Variants in RASGRP3 observed in about 807,000 individuals in gnomAD.
The protein encoded by RASGRP3 is RAS guanyl releasing protein 3, also known as ras guanyl-releasing protein 3.
Under a neutral mutation model 82.7 loss-of-function variants are expected in RASGRP3, and 54 were observed. The ratio of observed to expected loss-of-function variants is 0.65; its 90% CI spans 0.52 to 0.82. The LOEUF (loss-of-function observed/expected upper bound fraction) is 0.82. RASGRP3 is among the 40% of genes least tolerant of loss of function. RASGRP3 has a pLI of 0.00. For missense variants in RASGRP3, 861 were observed against 828.9 expected, an observed-to-expected ratio of 1.04 and a Z score of -0.48; for synonymous variants, 309 against 300.5, an observed-to-expected ratio of 1.03 and a Z score of -0.29.
intron 1 of RASGRP3, among the ~76,000 whole-genome samples, chr2:33,499,761 T>C (rs1239855435): frequency 8.8e-5 from 10 of 113,680 alleles, no homozygotes; most frequent in Admixed American, 6.7e-4. Flanking sequence ...AAATATCAAA[T>C]CCAAAAAAAA....
chr2:33,527,476 C>T (rs762952689), intron 10 of RASGRP3, 64 bp downstream of exon 10: 3 of 1,477,790 alleles, frequency 2.0e-6, no homozygotes, highest in Non-Finnish European at 2.8e-6. Context: ...CCAGGAGACA[C>T]AGGAAGATGT....
intron 2 of RASGRP3, among the ~76,000 whole-genome samples, chr2:33,451,445 G>A (rs1665796060): frequency 6.6e-6 from 1 of 152,114 alleles, no homozygotes; most frequent in Admixed American, 6.5e-5. Context: ...TACTTTTGTT[G>A]CCTGTGCTTT....
chr2:33,555,457 TCCTTTTCAG>T, intron 14 of RASGRP3, 65 bp from the exon 15 acceptor site: 1 of 1,359,788 alleles, frequency 7.4e-7, no homozygotes, highest in Non-Finnish European at 1.0e-6. Flanking sequence ...TCCCAGGACT[TCCTTTTCAG>T]TGGCCTTGTT....
intron 11 of RASGRP3, among the ~76,000 whole-genome samples, chr2:33,534,620 C>A (rs1489941800): frequency 2.0e-5 from 3 of 151,864 alleles, no homozygotes; most frequent in Admixed American, 1.3e-4. Flanking sequence ...CCTCCGCCTC[C>A]TGGGTTCATG....
At chr2:33,503,214 A>AT (rs1166593134) in intron 1 of RASGRP3, among the ~76,000 whole-genome samples, 11 of 152,112 alleles carry the variant, frequency 7.2e-5, no homozygotes, top group African/African-American at 4.8e-5. Flanking sequence ...TTTGAAATGA[A>AT]TTTTTTTTGT....
intron 2 of RASGRP3, among the ~76,000 whole-genome samples, chr2:33,460,987 T>C (rs1045775115): frequency 1.3e-5 from 2 of 152,178 alleles, no homozygotes; most frequent in Admixed American, 1.3e-4. Flanking sequence ...AGGTTGATAG[T>C]TTTCGAGTGT....
At chr2:33,475,630 T>C (rs1298585740), upstream of RASGRP3, among the ~76,000 whole-genome samples, 1 of 152,152 alleles carries the variant, frequency 6.6e-6, no homozygotes, top group Admixed American at 6.5e-5. Flanking sequence ...TCACCCTTAC[T>C]ATACCAAGAA....
intron 17 of RASGRP3, among the ~76,000 whole-genome samples, chr2:33,560,683 C>T (rs1676549446): frequency 1.3e-5 from 2 of 152,230 alleles, no homozygotes; most frequent in South Asian, 2.1e-4. Flanking sequence ...CTGTAGCTGC[C>T]CCTGGAATGT....
intron 2 of RASGRP3, among the ~76,000 whole-genome samples, chr2:33,460,790 T>C: frequency 6.6e-6 from 1 of 152,074 alleles, no homozygotes; most frequent in East Asian, 1.9e-4. Context: ...GCTAGGATTA[T>C]GGACGTGAGC....
At position 33,540,615 on chromosome 2, in the gene RASGRP3, T is replaced by TTCTC. The variant is rs72384480; in HGVS notation, c.1278+1427_1278+1430dup. On this transcript the variant is annotated intron_variant, in intron 12 of 17. Coordinates refer to ENST00000403687, the MANE Select transcript of RASGRP3 (RefSeq NM_001139488.2). ...GTGTGTGTGTGTGTGTCTGGGGAAT[T>TTCTC]TCTCTCTCTCTCTCTCTCTCTCTCT... Among the ~76,000 whole-genome samples, 778 of 121,796 alleles carry TTCTC rather than the reference T, an allele frequency of 6.4e-3. 22 individuals carry two copies. The highest frequency in any genetic ancestry group is 0.02 in the African/African-American group (669 of 34,050). The allele number at this position is 121,796 out of a possible 152,430, so 79.9% of individuals were successfully genotyped here.
intron 13 of RASGRP3, among the ~76,000 whole-genome samples, chr2:33,544,175 A>G (rs939668242): frequency 1.6e-4 from 24 of 152,250 alleles, no homozygotes; most frequent in Admixed American, 1.0e-3. Flanking sequence ...TTCACTGGGC[A>G]TGGTGGCACA....
chr2:33,442,725 T>C (rs1665292493), intron 1 of RASGRP3, among the ~76,000 whole-genome samples: 1 of 152,162 alleles, frequency 6.6e-6, no homozygotes, highest in African/African-American at 2.4e-5. Context: ...TAATTGACAA[T>C]TGGAGGAAAT....
intron 2 of RASGRP3, among the ~76,000 whole-genome samples, chr2:33,452,703 C>A (rs542738863): frequency 1.3e-5 from 2 of 152,164 alleles, no homozygotes; most frequent in Non-Finnish European, 2.9e-5. Context: ...CTGGGACTTG[C>A]CTAAAGCCTG....
chr2:33,497,118 T>A (rs1404767189), intron 1 of RASGRP3, among the ~76,000 whole-genome samples: 1 of 152,204 alleles, frequency 6.6e-6, no homozygotes, highest in Non-Finnish European at 1.5e-5. Context: ...TTTAATAATA[T>A]AATAAAATAT....
intron 1 of RASGRP3, among the ~76,000 whole-genome samples, chr2:33,438,093 C>T (rs1665020353): frequency 6.6e-6 from 1 of 152,182 alleles, no homozygotes; most frequent in Non-Finnish European, 1.5e-5. Context: ...TTCAAAACAA[C>T]GTTCACATTT....
At chr2:33,457,464 C>G (rs1276406515) in intron 2 of RASGRP3, among the ~76,000 whole-genome samples, 2 of 152,068 alleles carry the variant, frequency 1.3e-5, no homozygotes, top group African/African-American at 2.4e-5. Flanking sequence ...TGCATCAAGA[C>G]CATCTTTCCA....
upstream of RASGRP3, chr2:33,476,412 C>T (rs894321880): frequency 1.3e-5 from 2 of 152,248 alleles, no homozygotes; most frequent in African/African-American, 4.8e-5. Context: ...GACTTATCAG[C>T]TGTTTGGCTT....
chr2:33,546,774 A>G (rs1352290237), intron 13 of RASGRP3, among the ~76,000 whole-genome samples: 1 of 152,076 alleles, frequency 6.6e-6, no homozygotes, highest in Non-Finnish European at 1.5e-5. Flanking sequence ...CAGCCATAAA[A>G]AAGAACGAGA....
Position 33,514,711 on chromosome 2 carries a change from A to C in RASGRP3, c.-127-299A>C, listed in dbSNP as rs186022113. On this transcript the variant is annotated intron_variant, in intron 2 of 17. Transcript: ENST00000403687. The stretch of plus-strand genomic sequence containing the variant: ...CTGTCTCAAAAACAAGAACAAAAAC[A>C]ATCAAAAAAAAGGATATAAGGAAAG... Among the ~76,000 whole-genome samples, 42 of 152,108 alleles carry C rather than the reference A, an allele frequency of 2.8e-4. No homozygotes were observed. In the East Asian group the frequency reaches 7.2e-3, roughly 26 times the overall value.
Sources: allele counts gnomAD v4.1 joint callset (sites outside exome capture counted in the v4.1 genomes callset), GRCh38; gene constraint gnomAD v4.1.1; transcripts MANE v1.5; gene names NCBI Gene and HGNC (gene_info 2026-07-23, HGNC 2026-07-21).